Variants in TRPC1 observed in about 807,000 individuals in gnomAD.
TRPC1 encodes the protein short transient receptor potential channel 1.
A neutral mutation model predicts 88.2 loss-of-function variants in TRPC1; 42 were observed. The ratio of observed to expected loss-of-function variants is 0.48; its 90% CI spans 0.37 to 0.62. The LOEUF (loss-of-function observed/expected upper bound fraction) is 0.62. TRPC1 is among the 20% of genes least tolerant of loss of function. The probability of loss-of-function intolerance (pLI) is 0.00; values close to 1 mark genes in which losing one functional copy is unlikely to be tolerated. For synonymous variants in TRPC1, 288 were observed against 331.8 expected (o/e 0.87, Z 1.43); for missense variants, 699 against 957.3 (o/e 0.73, Z 3.56).
chr3:142,725,044 C>T (rs1043277100), intron 1 of TRPC1, among the ~76,000 whole-genome samples: 5 of 152,214 alleles, frequency 3.3e-5, no homozygotes, highest in African/African-American at 1.2e-4. Flanking sequence ...TTGCTACTGA[C>T]CGCATGAATG....
At chr3:142,790,042 A>G (rs1489271826) in intron 7 of TRPC1, among the ~76,000 whole-genome samples, 1 of 152,096 alleles carries the variant, frequency 6.6e-6, no homozygotes, top group African/African-American at 2.4e-5. Context: ...GAGAATTGGG[A>G]GTGGGGGACA....
intron 9 of TRPC1, among the ~76,000 whole-genome samples, chr3:142,800,612 A>G (rs1010745171): frequency 1.3e-5 from 2 of 152,082 alleles, no homozygotes; most frequent in Non-Finnish European, 2.9e-5. Context: ...AAAACACTCA[A>G]TTTTGTACAT....
chr3:142,804,597 A>T lies in TRPC1; in HGVS notation c.2121A>T (p.Ser707=), dbSNP rs199726410. The T allele has an allele frequency of 1.9e-5, 30 of 1,608,362 alleles. No individual in the cohort carries two copies. The highest frequency in any genetic ancestry group is 3.4e-5 in the Admixed American group (2 of 59,022). Reference sequence around the variant, plus strand: ...GTAAGTGGATTTGCTCTCATACATCAAAAGGCAAGGTCAAACGGCAAAACA... The same window carrying T: ...GTAAGTGGATTTGCTCTCATACATCTAAAGGCAAGGTCAAACGGCAAAACA... ...SLSKWICSHT[S]KGKVKRQNSL... is the part of the protein sequence containing the mutation. The change falls in exon 12 of 13, where the codon TCA becomes TCT. Residue 707 remains serine (S), a synonymous_variant. Transcript: ENST00000476941.
Position 142,804,227 on chromosome 3 carries a change from G to A in TRPC1, c.1959+49G>A, listed in dbSNP as rs755942401. 16 of 1,558,938 alleles carry A rather than the reference G, an allele frequency of 1.0e-5. No individual in the cohort carries two copies. In the South Asian group the frequency reaches 1.7e-4, roughly 16 times the overall value. On this transcript the variant is annotated intron_variant, in intron 11 of 12. Transcript: ENST00000476941. ...TTATATTCTCCTCAGACCATACTAAGTGCATACAATAGATAAGATAGCCAA... is the reference window on the plus strand; with the variant it reads ...TTATATTCTCCTCAGACCATACTAAATGCATACAATAGATAAGATAGCCAA...
chr3:142,745,413 G>T (rs933641920), intron 3 of TRPC1, among the ~76,000 whole-genome samples: 24 of 152,134 alleles, frequency 1.6e-4, no homozygotes, highest in Admixed American at 4.6e-4. Context: ...GGAGGCCGAG[G>T]CGGGTGGAAC....
At chr3:142,787,416 A>C (rs888650025) in intron 7 of TRPC1, among the ~76,000 whole-genome samples, 6 of 152,140 alleles carry the variant, frequency 3.9e-5, no homozygotes, top group African/African-American at 1.4e-4. Context: ...ATCATGACCA[A>C]TTTTTGTATA....
chr3:142,765,567 A>T (rs777198807), intron 4 of TRPC1, among the ~76,000 whole-genome samples: 2 of 152,180 alleles, frequency 1.3e-5, no homozygotes, highest in African/African-American at 4.8e-5. Flanking sequence ...AGCAATGAGG[A>T]AAAAGGCTTC....
chr3:142,747,818 G>GC (rs1365134657), intron 3 of TRPC1, among the ~76,000 whole-genome samples: 1 of 152,134 alleles, frequency 6.6e-6, no homozygotes, highest in African/African-American at 2.4e-5. Context: ...GATAAGGTTT[G>GC]CCATAGAGGT....
intron 2 of TRPC1, among the ~76,000 whole-genome samples, chr3:142,741,846 A>G (rs1934362356): frequency 6.6e-6 from 1 of 152,172 alleles, no homozygotes; most frequent in Non-Finnish European, 1.5e-5. Flanking sequence ...TGACATTACT[A>G]TAGTTAGCTT....
intron 4 of TRPC1, among the ~76,000 whole-genome samples, chr3:142,758,654 G>A (rs1437353553): frequency 2.0e-5 from 3 of 151,334 alleles, no homozygotes; most frequent in Non-Finnish European, 4.4e-5. Context: ...GTCTATTTTT[G>A]CTTTGGTTGT....
chr3:142,803,761 G>C (rs1389462634), intron 10 of TRPC1, among the ~76,000 whole-genome samples: 1 of 152,100 alleles, frequency 6.6e-6, no homozygotes, highest in Non-Finnish European at 1.5e-5. Flanking sequence ...GGCAGCAAGG[G>C]GTTAAACAGT....
intron 2 of TRPC1, among the ~76,000 whole-genome samples, chr3:142,741,425 G>T (rs944391906): frequency 9.9e-5 from 15 of 151,976 alleles, no homozygotes; most frequent in Non-Finnish European, 2.1e-4. Flanking sequence ...ACCATCCTTA[G>T]TTGGAATAAT....
At chr3:142,766,047 A>C (rs1050711755) in intron 4 of TRPC1, among the ~76,000 whole-genome samples, 12 of 152,254 alleles carry the variant, frequency 7.9e-5, no homozygotes, top group Non-Finnish European at 1.2e-4. Context: ...AAAAAAAAAA[A>C]CAGATGCTGG....
chr3:142,777,615 A>C lies in TRPC1; in HGVS notation c.633-17A>C. 6.4e-7 allele frequency: 1 copy of C among 1,553,752 alleles called. No homozygotes were observed. Among genetic ancestry groups the C allele is most frequent in the Non-Finnish European group, 8.7e-7 (1 of 1,147,408 alleles). ...GTATAAGTTTATTTTACATTATGGA[A>C]TCCAATTTTATCACAGGTTTCGTCT... On this transcript the variant is annotated splice_polypyrimidine_tract_variant and intron_variant, in intron 4 of 12. Transcript: ENST00000476941.
intron 6 of TRPC1, among the ~76,000 whole-genome samples, chr3:142,783,600 T>C (rs1936033291): frequency 6.6e-6 from 1 of 152,214 alleles, no homozygotes; most frequent in Non-Finnish European, 1.5e-5. Context: ...TGTTGATCCA[T>C]GGTTGGTTTA....
chr3:142,795,295 T>A (rs949029564), intron 9 of TRPC1, among the ~76,000 whole-genome samples: 3 of 151,644 alleles, frequency 2.0e-5, no homozygotes, highest in South Asian at 4.2e-4. Context: ...AAAAATTTTT[T>A]AAGAAATAAT....
At chr3:142,762,800 G>A (rs1935232539) in intron 4 of TRPC1, among the ~76,000 whole-genome samples, 2 of 152,084 alleles carry the variant, frequency 1.3e-5, no homozygotes, top group African/African-American at 4.8e-5. Context: ...TCTAATATGG[G>A]AATTTATTGC....
chr3:142,805,963 A>G, intron 12 of TRPC1, 45 bp from the exon 13 acceptor site: 1 of 1,544,762 alleles, frequency 6.5e-7, no homozygotes, highest in Non-Finnish European at 8.8e-7. Context: ...ACCTCATTTA[A>G]ATATCGTTTC....
chr3:142,743,962 A>C (rs1477739015), intron 3 of TRPC1, among the ~76,000 whole-genome samples: 1 of 152,190 alleles, frequency 6.6e-6, no homozygotes, highest in Non-Finnish European at 1.5e-5. Context: ...GAAAGACTTT[A>C]TGTGCATAAA....
Sources: allele counts gnomAD v4.1 joint callset (sites outside exome capture counted in the v4.1 genomes callset), GRCh38; gene constraint gnomAD v4.1.1; transcripts MANE v1.5; gene names NCBI Gene and HGNC (gene_info 2026-07-23, HGNC 2026-07-21).